SLC35F3: variants seen among roughly 807,000 people sequenced by gnomAD.
SLC35F3 encodes solute carrier family 35 member F3.
A neutral mutation model predicts 49.9 loss-of-function variants in SLC35F3; 25 were observed. That is an observed-to-expected ratio of 0.50 (90% CI 0.37 to 0.70). SLC35F3 has a LOEUF of 0.70. Ranked by LOEUF, SLC35F3 falls within the 30% of genes least tolerant of loss-of-function variation. The pLI, the probability that SLC35F3 is intolerant of heterozygous loss-of-function variation, is 0.00. For synonymous variants in SLC35F3, 275 were observed against 265.4 expected (o/e 1.04, Z -0.35); for missense variants, 525 against 639.8 (o/e 0.82, Z 1.94).
At chr1:234,254,751 C>T (rs572609177) in intron 3 of SLC35F3, among the ~76,000 whole-genome samples, 6 of 152,164 alleles carry the variant, frequency 3.9e-5, no homozygotes, top group Non-Finnish European at 5.9e-5. Context: ...GTAAAGTTCA[C>T]GAATAAATTA....
intron 2 of SLC35F3, among the ~76,000 whole-genome samples, chr1:234,104,932 C>G (rs1390833149): frequency 1.3e-5 from 2 of 152,086 alleles, no homozygotes; most frequent in African/African-American, 2.4e-5. Flanking sequence ...TGTTTGAGAC[C>G]AGCCTGGCCA....
At chr1:234,006,669 T>G (rs1399092012) in intron 2 of SLC35F3, among the ~76,000 whole-genome samples, 1 of 152,170 alleles carries the variant, frequency 6.6e-6, no homozygotes, top group East Asian at 1.9e-4. Flanking sequence ...CTTGTGCAAA[T>G]ATTTATTTAG....
At position 234,324,391 on chromosome 1, in the gene SLC35F3, A is replaced by G. The variant is rs1657704693; in HGVS notation, c.*1148A>G. The stretch of plus-strand genomic sequence containing the variant: ...TAACCCAATGGTGCATTCTGTAACC[A>G]TGGAGTCTTCTGTTTCCTGGGGGAA... On this transcript the variant is annotated 3_prime_UTR_variant, in exon 8 of 8. Coordinates refer to ENST00000366618, the MANE Select transcript of SLC35F3 (RefSeq NM_173508.4). 6.6e-6 allele frequency: 1 copy of G among 152,244 alleles called. No homozygotes were observed. Among genetic ancestry groups the G allele is most frequent in the Non-Finnish European group, 1.5e-5 (1 of 68,032 alleles). 9.4% of individuals were successfully genotyped at this position (152,244 alleles called of 1,614,324 possible). A position where few individuals can be genotyped will look rare whatever the true frequency, so the allele number is the denominator to read the frequency against.
chr1:233,958,987 G>A (rs922868882), intron 2 of SLC35F3, among the ~76,000 whole-genome samples: 2 of 152,136 alleles, frequency 1.3e-5, no homozygotes, highest in African/African-American at 4.8e-5. Flanking sequence ...ATGATCAGAT[G>A]CCTCAGAAAA....
At chr1:233,923,075 G>T (rs1662093012) in intron 2 of SLC35F3, among the ~76,000 whole-genome samples, 1 of 152,090 alleles carries the variant, frequency 6.6e-6, no homozygotes, top group South Asian at 2.1e-4. Context: ...TTAAAGTCAG[G>T]TAGCGTGATG....
intron 2 of SLC35F3, among the ~76,000 whole-genome samples, chr1:233,979,035 C>T (rs1313980868): frequency 6.8e-6 from 1 of 146,940 alleles, no homozygotes; most frequent in African/African-American, 2.5e-5. Flanking sequence ...AACTCCGTTT[C>T]CAATTAAAAA....
At chr1:234,053,556 C>A (rs559709311) in intron 2 of SLC35F3, among the ~76,000 whole-genome samples, 47 of 152,126 alleles carry the variant, frequency 3.1e-4, no homozygotes, top group Non-Finnish European at 6.2e-4. Flanking sequence ...AGATGGGTCT[C>A]CTGAATATAG....
Position 234,081,904 on chromosome 1 carries a change from A to ATTTTTTTTTTTTTT in SLC35F3, c.284-149494_284-149481dup, listed in dbSNP as rs781469880. On this transcript the variant is annotated intron_variant, in intron 2 of 7. Coordinates refer to ENST00000366618, the MANE Select transcript of SLC35F3 (RefSeq NM_173508.4). Reference sequence around the variant, plus strand: ...AGGCGCCTGCCACCATGCCTGGCTAATTTTTTTTTTTTTTTTTTTTTTTTT... The same window carrying ATTTTTTTTTTTTTT: ...AGGCGCCTGCCACCATGCCTGGCTAATTTTTTTTTTTTTTTTTTTTTTTTTTTTTTTTTTTTTTT... Among the ~76,000 whole-genome samples the ATTTTTTTTTTTTTT allele has an allele frequency of 4.6e-4, 18 of 39,232 alleles. 4 individuals are homozygous for ATTTTTTTTTTTTTT. The highest frequency in any genetic ancestry group is 2.9e-3 in the South Asian group (2 of 694). The allele number at this position is 39,232 out of a possible 152,430, so 25.7% of individuals were successfully genotyped here.
chr1:233,932,884 A>G (rs553416400), intron 2 of SLC35F3, among the ~76,000 whole-genome samples: 6 of 152,328 alleles, frequency 3.9e-5, no homozygotes, highest in Admixed American at 6.5e-5. Context: ...ATGTTTGTAA[A>G]TGGAAGCACA....
At chr1:234,042,027 G>A (rs1664229201) in intron 2 of SLC35F3, among the ~76,000 whole-genome samples, 1 of 152,140 alleles carries the variant, frequency 6.6e-6, no homozygotes, top group Non-Finnish European at 1.5e-5. Context: ...CAGCTGCCCA[G>A]TAAATCTCCC....
rs544755033 is a variant in SLC35F3, at chr1:234,194,104, G to A, written c.284-37313G>A. On this transcript the variant is annotated intron_variant, in intron 2 of 7. Transcript: ENST00000366618. ...CATTTGATCCAAAAGTCCCATTACT[G>A]GGTATATACCCAGAGGAAAAGAAGT... 4.1e-4 allele frequency among the ~76,000 whole-genome samples: 62 copies of A among 150,614 alleles called. No homozygotes were observed. In the South Asian group the frequency reaches 9.8e-3, roughly 24 times the overall value.
chr1:234,180,933 C>T (rs896347017), intron 2 of SLC35F3, among the ~76,000 whole-genome samples: 8 of 152,188 alleles, frequency 5.3e-5, no homozygotes, highest in Non-Finnish European at 1.2e-4. Flanking sequence ...CAACTCAAGA[C>T]CAATCTCATT....
intron 2 of SLC35F3, among the ~76,000 whole-genome samples, chr1:234,066,807 C>G (rs57673195): frequency 0.023 from 3,314 of 145,594 alleles, 150 homozygotes; most frequent in East Asian, 0.17. Context: ...CTTTGTCTCT[C>G]TCTGTCTCTG....
chr1:233,933,087 T>C (rs964646470), intron 2 of SLC35F3, among the ~76,000 whole-genome samples: 27 of 150,918 alleles, frequency 1.8e-4, no homozygotes, highest in African/African-American at 6.1e-4. Context: ...CAGGACTTTG[T>C]ATATGCTATA....
In SLC35F3 at chr1:233,905,774, G is replaced by A. The variant is rs750804283; in HGVS notation, c.283+16G>A. 5.8e-5 allele frequency: 92 copies of A among 1,593,880 alleles called. 1 individual carries two copies. The highest frequency in any genetic ancestry group is 3.0e-4 in the Admixed American group (18 of 59,374). Reference sequence around the variant, plus strand: ...AGCTGCAAAAGTAAGACCCCCTCACGTCATGTTTCCCGTTCACTGGTCCAT... The same window carrying A: ...AGCTGCAAAAGTAAGACCCCCTCACATCATGTTTCCCGTTCACTGGTCCAT... On this transcript the variant is annotated intron_variant, in intron 2 of 7. Coordinates refer to ENST00000366618, the MANE Select transcript of SLC35F3 (RefSeq NM_173508.4).
intron 2 of SLC35F3, among the ~76,000 whole-genome samples, chr1:234,053,109 A>G (rs1664402757): frequency 6.6e-6 from 1 of 152,188 alleles, no homozygotes; most frequent in African/African-American, 2.4e-5. Flanking sequence ...AAGAATGTAT[A>G]TTTTGTTGAT....
chr1:234,011,072 A>G (rs1367154594), intron 2 of SLC35F3, among the ~76,000 whole-genome samples: 1 of 152,228 alleles, frequency 6.6e-6, no homozygotes, highest in Non-Finnish European at 1.5e-5. Context: ...TCACAAAAAC[A>G]TCACCAAACT....
At chr1:233,967,878 A>T (rs1662927187) in intron 2 of SLC35F3, among the ~76,000 whole-genome samples, 1 of 152,196 alleles carries the variant, frequency 6.6e-6, no homozygotes, top group Admixed American at 6.5e-5. Flanking sequence ...GAGAAACAGA[A>T]AAAACAACCC....
chr1:233,910,085 C>T (rs749930763), intron 2 of SLC35F3, among the ~76,000 whole-genome samples: 4 of 152,236 alleles, frequency 2.6e-5, no homozygotes, highest in Non-Finnish European at 4.4e-5. Context: ...CATAAATTGA[C>T]ACCCTGTAGG....
Sources: gnomAD v4.1 joint callset for allele counts (sites outside exome capture counted in the v4.1 genomes callset) on GRCh38, gnomAD v4.1.1 for gene constraint, MANE v1.5 for transcripts, NCBI Gene and HGNC (gene_info 2026-07-23, HGNC 2026-07-21) for gene names.